GOLM1: variants seen among roughly 807,000 people sequenced by gnomAD.
The protein encoded by GOLM1 is epididymis luminal protein 46.
GOLM1 carries 31 observed loss-of-function variants against 50.5 expected under a neutral mutation model. The ratio of observed to expected loss-of-function variants is 0.61; its 90% confidence interval spans 0.46 to 0.83. The LOEUF (loss-of-function observed/expected upper bound fraction) is 0.83, where lower values mean the gene tolerates loss of function less well. Among genes scored for constraint, GOLM1 ranks in the 40% least tolerant of loss-of-function variants. GOLM1 has a pLI of 0.00. For synonymous variants in GOLM1, 178 were observed against 192.8 expected (o/e 0.92, Z 0.64); for missense variants, 491 against 501.3 (o/e 0.98, Z 0.20).
At chr9:86,068,022 A>C (rs1371376017) in intron 3 of GOLM1, among the ~76,000 whole-genome samples, 1 of 152,060 alleles carries the variant, frequency 6.6e-6, no homozygotes, top group Non-Finnish European at 1.5e-5. Flanking sequence ...TAAATAAATA[A>C]ATAAATAAAT....
At chr9:86,084,524 A>G (rs894310869) in intron 1 of GOLM1, among the ~76,000 whole-genome samples, 1 of 152,190 alleles carries the variant, frequency 6.6e-6, no homozygotes, top group Non-Finnish European at 1.5e-5. Flanking sequence ...CTTGGCCAGC[A>G]CGGTTAAAAA....
At chr9:86,033,955 TAAAC>T (rs1251752818) in intron 8 of GOLM1, among the ~76,000 whole-genome samples, 1 of 151,526 alleles carries the variant, frequency 6.6e-6, no homozygotes, top group East Asian at 1.9e-4. Context: ...TGCAGGCTGG[TAAAC>T]AAAATCTTTT....
At chr9:86,058,185 TA>T (rs1834045147) in intron 3 of GOLM1, among the ~76,000 whole-genome samples, 1 of 152,224 alleles carries the variant, frequency 6.6e-6, no homozygotes, top group Non-Finnish European at 1.5e-5. Flanking sequence ...AAAACAGTGC[TA>T]TTCAATAGAA....
chr9:86,041,833 CT>C (rs1391606751), intron 5 of GOLM1, among the ~76,000 whole-genome samples: 1 of 152,126 alleles, frequency 6.6e-6, no homozygotes, highest in Non-Finnish European at 1.5e-5. Flanking sequence ...AAAACTTGAA[CT>C]GGGGCCAGGC....
intron 6 of GOLM1, 110 bp downstream of exon 6, chr9:86,040,629 C>G: frequency 9.8e-7 from 1 of 1,020,298 alleles, no homozygotes; most frequent in East Asian, 2.4e-5. Flanking sequence ...GGGAGCCAAG[C>G]CCGCAAAGGA....
intron 3 of GOLM1, among the ~76,000 whole-genome samples, chr9:86,069,894 CTTTTT>C (rs58259790): frequency 2.4e-3 from 365 of 151,722 alleles, no homozygotes; most frequent in African/African-American, 8.4e-3. Context: ...ATCTTTTTTT[CTTTTT>C]TTGAGATGAA....
At chr9:86,074,812 A>G (rs758567881) in intron 3 of GOLM1, among the ~76,000 whole-genome samples, 6 of 151,976 alleles carry the variant, frequency 3.9e-5, no homozygotes, top group Admixed American at 2.6e-4. Context: ...TTCTCCTTCC[A>G]TAGCCCCACC....
At chr9:86,088,456 AT>A (rs1414467819) in intron 1 of GOLM1, among the ~76,000 whole-genome samples, 1 of 125,046 alleles carries the variant, frequency 8.0e-6, no homozygotes, top group Non-Finnish European at 1.7e-5. Context: ...ATATATATAT[AT>A]TTAGGATAGA....
intron 3 of GOLM1, among the ~76,000 whole-genome samples, chr9:86,073,785 C>T (rs1221564630): frequency 1.3e-5 from 2 of 152,094 alleles, no homozygotes; most frequent in East Asian, 1.9e-4. Flanking sequence ...CATTTAAGTT[C>T]GATAAAATTA....
rs1265558482 is a variant in GOLM1, at chr9:86,079,301, C to CCAAA, written c.19_20insTTTG (p.Gly7ValfsTer77). The CCAAA allele has an allele frequency of 3.1e-6, 5 of 1,598,610 alleles. No individual in the cohort carries two copies. Among genetic ancestry groups the CCAAA allele is most frequent in the Non-Finnish European group, 4.3e-6 (5 of 1,172,742 alleles). ...GGGCGGCGACTTCATGCTGCGACGC[C>CCAAA]CGTTTCCCAAGCCCATCATCTCAAA... On this transcript the variant is annotated frameshift_variant, in exon 2 of 10. Coordinates refer to ENST00000388712, the MANE Select transcript of GOLM1 (RefSeq NM_016548.4). LOFTEE classifies it high-confidence loss of function.
At chr9:86,057,778 T>A (rs1294238816) in intron 3 of GOLM1, among the ~76,000 whole-genome samples, 1 of 152,172 alleles carries the variant, frequency 6.6e-6, no homozygotes, top group Non-Finnish European at 1.5e-5. Flanking sequence ...CTCAGTCACA[T>A]CCCTGAGAAA....
chr9:86,058,437 G>A lies in GOLM1; in HGVS notation c.310-5846C>T, dbSNP rs977467599. On this transcript the variant is annotated intron_variant, in intron 3 of 9. Transcript: ENST00000388712. ...TAATTTTTAAAAAGGTGCCAGGCGCGGTGGCTCATGCCTGTAATCCCAGCA... is the reference window on the plus strand; with the variant it reads ...TAATTTTTAAAAAGGTGCCAGGCGCAGTGGCTCATGCCTGTAATCCCAGCA... 4.6e-5 allele frequency among the ~76,000 whole-genome samples: 7 copies of A among 152,068 alleles called. No homozygotes were observed. In the East Asian group the frequency reaches 5.8e-4, roughly 13 times the overall value.
intron 2 of GOLM1, 116 bp downstream of exon 2, chr9:86,079,076 T>C: frequency 2.3e-6 from 2 of 886,802 alleles, no homozygotes; most frequent in Non-Finnish European, 3.3e-6. Context: ...TACAAGCGTG[T>C]GCCCTGCACA....
chr9:86,046,599 C>T (rs192198513), intron 4 of GOLM1, 27 bp from the exon 5 acceptor site: 1 of 1,413,466 alleles, frequency 7.1e-7, no homozygotes. Context: ...AGGAATTGCA[C>T]AGGTCACCGG....
chr9:86,055,855 T>A (rs1194762809), intron 3 of GOLM1, among the ~76,000 whole-genome samples: 1 of 152,152 alleles, frequency 6.6e-6, no homozygotes, highest in East Asian at 1.9e-4. Flanking sequence ...TTTCTAGAGA[T>A]CTGTTGCACA....
intron 9 of GOLM1, among the ~76,000 whole-genome samples, chr9:86,031,449 GTTTTTTTTTTTTTTTT>G (rs774806772): frequency 1.3e-5 from 1 of 79,498 alleles, no homozygotes; most frequent in African/African-American, 4.5e-5. Context: ...TACCACTGAG[GTTTTTTTTTTTTTTTT>G]TTTTTTTTTC....
At chr9:86,036,590 C>T in intron 6 of GOLM1, 83 bp from the exon 7 acceptor site, 1 of 1,324,640 alleles carries the variant, frequency 7.5e-7, no homozygotes, top group Non-Finnish European at 1.0e-6. Context: ...TGCAATGAAT[C>T]CCACCAATCC....
chr9:86,090,786 CAAAAAAA>C (rs776381865), intron 1 of GOLM1, among the ~76,000 whole-genome samples: 91 of 41,296 alleles, frequency 2.2e-3, no homozygotes, highest in African/African-American at 6.0e-3. Context: ...ACTGGGGTAC[CAAAAAAA>C]AAAAAAAAAA....
intron 1 of GOLM1, among the ~76,000 whole-genome samples, chr9:86,098,964 CGA>C (rs2118924940): frequency 1.3e-5 from 2 of 152,304 alleles, no homozygotes; most frequent in African/African-American, 4.8e-5. Flanking sequence ...CGGCGGGAGC[CGA>C]GAGACTCGCG....
Sources: allele counts gnomAD v4.1 joint callset (sites outside exome capture counted in the v4.1 genomes callset), GRCh38; gene constraint gnomAD v4.1.1; transcripts MANE v1.5; gene names NCBI Gene and HGNC (gene_info 2026-07-23, HGNC 2026-07-21).